Variants in CACHD1 observed in about 807,000 individuals in gnomAD.
CACHD1 encodes the protein VWFA and cache domain-containing protein 1.
CACHD1 carries 71 observed loss-of-function variants against 138.7 expected under a neutral mutation model. That is an observed-to-expected ratio of 0.51 (90% CI 0.42 to 0.62). The LOEUF is 0.62. CACHD1 is among the 20% of genes least tolerant of loss of function. CACHD1 has a pLI of 0.00. For missense variants in CACHD1, 1,389 were observed against 1,625.3 expected (o/e 0.85, Z 2.50); for synonymous variants, 578 against 591.5 (o/e 0.98, Z 0.33).
chr1:64,632,564 C>G (rs1648347986), intron 5 of CACHD1, 35 bp from the exon 6 acceptor site: 1 of 1,611,624 alleles, frequency 6.2e-7, no homozygotes, highest in Non-Finnish European at 8.5e-7. Flanking sequence ...TTACCTAAAC[C>G]AAGACTGACC....
At chr1:64,577,037 G>C (rs1022798130) in intron 2 of CACHD1, among the ~76,000 whole-genome samples, 1 of 152,002 alleles carries the variant, frequency 6.6e-6, no homozygotes, top group African/African-American at 2.4e-5. Flanking sequence ...GCAACATCCT[G>C]GGCTCAGGTG....
intron 16 of CACHD1, 107 bp from the exon 17 acceptor site, chr1:64,671,457 C>T (rs1472919322): frequency 8.6e-7 from 1 of 1,159,424 alleles, no homozygotes; most frequent in African/African-American, 1.5e-5. Flanking sequence ...TAGGGAGGAA[C>T]AGTGGGAAGG....
At chr1:64,533,865 G>A (rs1481351441) in intron 1 of CACHD1, among the ~76,000 whole-genome samples, 2 of 148,594 alleles carry the variant, frequency 1.3e-5, no homozygotes, top group Non-Finnish European at 3.0e-5. Flanking sequence ...CCATTCTTCT[G>A]CCTCAGCCTC....
chr1:64,649,566 CGTAAGTCTG>C (rs1261055476), intron 9 of CACHD1, among the ~76,000 whole-genome samples: 26 of 152,268 alleles, frequency 1.7e-4, no homozygotes, highest in African/African-American at 6.0e-4. Flanking sequence ...CCTCAGTAAG[CGTAAGTCTG>C]ATAAGAGAAA....
chr1:64,518,443 T>C (rs1005132768), intron 1 of CACHD1, among the ~76,000 whole-genome samples: 1 of 152,216 alleles, frequency 6.6e-6, no homozygotes, highest in Admixed American at 6.5e-5. Context: ...GGTCTTCCAT[T>C]ATCTCATTTA....
intron 1 of CACHD1, among the ~76,000 whole-genome samples, chr1:64,498,330 T>C (rs1646318449): frequency 6.6e-6 from 1 of 152,224 alleles, no homozygotes; most frequent in Admixed American, 6.5e-5. Flanking sequence ...GAACTACTTA[T>C]TCTCTTTATT....
chr1:64,674,189 T>C (rs12754019), intron 19 of CACHD1, among the ~76,000 whole-genome samples: 2,768 of 152,336 alleles, frequency 0.018, 40 homozygotes, highest in Non-Finnish European at 0.027. Context: ...TCAAAAACTC[T>C]ATTGCAGAAA....
intron 1 of CACHD1, among the ~76,000 whole-genome samples, chr1:64,508,737 A>G (rs1646396377): frequency 6.6e-6 from 1 of 152,208 alleles, no homozygotes; most frequent in Non-Finnish European, 1.5e-5. Flanking sequence ...GTGCATTTAG[A>G]GAACCATACT....
At chr1:64,486,026 G>A (rs935257190) in intron 1 of CACHD1, among the ~76,000 whole-genome samples, 4 of 152,256 alleles carry the variant, frequency 2.6e-5, no homozygotes, top group African/African-American at 9.6e-5. Flanking sequence ...ACCACAACTT[G>A]GTAGAATCTG....
At chr1:64,549,460 A>C (rs538888444) in intron 1 of CACHD1, among the ~76,000 whole-genome samples, 2 of 152,142 alleles carry the variant, frequency 1.3e-5, no homozygotes, top group African/African-American at 2.4e-5. Context: ...ATTTCATCCT[A>C]GTCCTTCTCA....
chr1:64,569,565 A>C (rs958571869), intron 2 of CACHD1, among the ~76,000 whole-genome samples: 2 of 152,008 alleles, frequency 1.3e-5, no homozygotes, highest in Non-Finnish European at 2.9e-5. Context: ...GGAGAGGAGC[A>C]GCGGGGGCCT....
intron 2 of CACHD1, among the ~76,000 whole-genome samples, chr1:64,572,824 G>A (rs1646936803): frequency 6.6e-6 from 1 of 152,146 alleles, no homozygotes; most frequent in South Asian, 2.1e-4. Flanking sequence ...GTCAGCAGCT[G>A]CCCTGTTTCT....
intron 1 of CACHD1, among the ~76,000 whole-genome samples, chr1:64,509,353 A>C (rs970500894): frequency 2.0e-5 from 3 of 152,232 alleles, no homozygotes; most frequent in Non-Finnish European, 4.4e-5. Context: ...TCTGCCCAGG[A>C]GGGACTAATT....
intron 4 of CACHD1, among the ~76,000 whole-genome samples, chr1:64,609,503 C>T (rs1647453153): frequency 6.6e-6 from 1 of 152,134 alleles, no homozygotes; most frequent in Non-Finnish European, 1.5e-5. Context: ...AGGAACTAAA[C>T]AAACAAGGTC....
chr1:64,664,230 A>G, intron 14 of CACHD1: 1 of 531,368 alleles, frequency 1.9e-6, no homozygotes, highest in Non-Finnish European at 3.3e-6. Flanking sequence ...ATATATGTGT[A>G]TATTAATGAC....
At chr1:64,632,809 T>G in intron 6 of CACHD1, 66 bp downstream of exon 6, 1 of 1,553,854 alleles carries the variant, frequency 6.4e-7, no homozygotes, top group Non-Finnish European at 8.8e-7. Flanking sequence ...TAAAGTACTT[T>G]ATTGTTTTGT....
chr1:64,641,848 A>G lies in CACHD1; in HGVS notation c.1035A>G (p.Ser345=), dbSNP rs965763465. 1.9e-6 allele frequency: 3 copies of G among 1,539,260 alleles called. No homozygotes were observed. The highest frequency in any genetic ancestry group is 2.8e-5 in the African/African-American group (2 of 71,070). Residue 345 remains serine (S), a synonymous_variant, in exon 8 of 27, where the codon TCA becomes TCG. Transcript: ENST00000651257. ...CAGACATGGTCATCATTTACCTGTCAGCTGGCATTACATCAAAGGACTCTT... is the reference window on the plus strand; with the variant it reads ...CAGACATGGTCATCATTTACCTGTCGGCTGGCATTACATCAAAGGACTCTT... ...ANTDMVIIYL[S]AGITSKDSSE... is the part of the protein sequence containing the mutation.
At chr1:64,479,588 T>C (rs1050736046) in intron 1 of CACHD1, among the ~76,000 whole-genome samples, 4 of 152,116 alleles carry the variant, frequency 2.6e-5, no homozygotes, top group Admixed American at 1.3e-4. Flanking sequence ...TGGGGGCTGT[T>C]TCTTGGATCC....
chr1:64,548,096 C>G (rs1646731598), intron 1 of CACHD1, among the ~76,000 whole-genome samples: 1 of 152,056 alleles, frequency 6.6e-6, no homozygotes, highest in East Asian at 1.9e-4. Context: ...AAATAGGGAC[C>G]AAAACACAGC....
Sources: allele counts gnomAD v4.1 joint callset (sites outside exome capture counted in the v4.1 genomes callset), GRCh38; gene constraint gnomAD v4.1.1; transcripts MANE v1.5; gene names NCBI Gene and HGNC (gene_info 2026-07-23, HGNC 2026-07-21).